GMIP: variants seen among roughly 807,000 people sequenced by gnomAD.
GMIP encodes GEM-interacting protein.
In GMIP, 54 loss-of-function variants were observed where a neutral mutation model predicts 105.3. That is an observed-to-expected ratio of 0.51 (90% confidence interval 0.41 to 0.64). The LOEUF is 0.64. GMIP is among the 30% of genes least tolerant of loss of function. The probability of loss-of-function intolerance (pLI) is 0.00; values close to 1 mark genes in which losing one functional copy is unlikely to be tolerated. For synonymous variants in GMIP, 541 were observed against 560.8 expected, an observed-to-expected ratio of 0.96 and a Z score of 0.50; for missense variants, 1,110 against 1,319.4, an observed-to-expected ratio of 0.84 and a Z score of 2.46.
At position 19,641,851 on chromosome 19, in the gene GMIP, C is replaced by T. The variant is rs2061923407; in HGVS notation, c.197G>A (p.Cys66Tyr). The T allele has an allele frequency of 3.7e-6, 6 of 1,613,142 alleles. No individual in the cohort carries two copies. The highest frequency in any genetic ancestry group is 3.3e-5 in the Admixed American group (2 of 59,970). Residue 66 changes from cysteine to tyrosine, a missense_variant, in exon 4 of 21, where the codon TGT (cysteine) becomes TAT (tyrosine). Physicochemically the swap from Cys to Tyr is radical, Grantham distance 194 (BLOSUM62 -2). This residue lies in a region of GMIP where 667 missense variants were observed against 773.2 expected (regional missense o/e 0.86). Transcript: ENST00000203556. ...PTATVTNEAS[C>Y]WSGPSPEGPV... ...ACCCTCTGGGGAGGGGCCGCTCCAA[C>T]AGCTGGCTTCGTTGGTCTGTGCGGG...
rs763201996 is a variant in GMIP at position 19,640,171 on chromosome 19, T to G, written c.451A>C (p.Ile151Leu). The G allele has an allele frequency of 6.2e-7, 1 of 1,612,280 alleles. No homozygotes were observed. Among genetic ancestry groups the G allele is most frequent in the Non-Finnish European group, 8.5e-7 (1 of 1,179,032 alleles). The change falls in exon 7 of 21, where the codon ATC becomes CTC. Residue 151 changes from isoleucine to leucine, a missense_variant. By Grantham distance (5) the Ile-to-Leu change is conservative. This residue lies in a region of GMIP where 667 missense variants were observed against 773.2 expected (regional missense o/e 0.86). Transcript: ENST00000203556. ...TCGTGCTCCAGAAACAGGGTGTAGATGTACTGCAGAGGCATGTGGCTCTGG... is the reference window on the plus strand; with the variant it reads ...TCGTGCTCCAGAAACAGGGTGTAGAGGTACTGCAGAGGCATGTGGCTCTGG... ...QQQSHMPLQYIYTLFLEHDLS... is the reference protein window; with the variant it reads ...QQQSHMPLQYLYTLFLEHDLS...
chr19:19,640,535 C>G lies in GMIP; in HGVS notation c.275G>C (p.Gly92Ala), dbSNP rs141644834. The change falls in exon 5 of 21, where the codon GGG (glycine) becomes GCG (alanine). Residue 92 changes from glycine to alanine, a missense_variant. Around this residue, in one of 3 missense-constraint regions of GMIP, gnomAD observed 667 missense variants for 773.2 expected, o/e 0.86. Coordinates refer to ENST00000203556, the MANE Select transcript of GMIP (RefSeq NM_016573.4). ...ATATTCCAGGGCTGCGTCCACACCCCCCTTTGTCCGAATGAGCCGCAAGTC... is the reference window on the plus strand; with the variant it reads ...ATATTCCAGGGCTGCGTCCACACCCGCCTTTGTCCGAATGAGCCGCAAGTC... The part of the protein sequence containing the change: ...ELDLRLIRTK[G>A]GVDAALEYAK... 16 of 1,613,858 alleles carry G rather than the reference C, an allele frequency of 9.9e-6. No homozygotes were observed. The South Asian group carries it at 1.5e-4, about 16-fold the overall frequency.
At position 19,630,150 on chromosome 19, in the gene GMIP, C is replaced by T. The variant is rs201307068; in HGVS notation, c.2726G>A (p.Arg909Gln). The T allele has an allele frequency of 2.2e-4, 345 of 1,604,148 alleles. No individual in the cohort carries two copies. The highest frequency in any genetic ancestry group is 2.3e-4 in the Non-Finnish European group (271 of 1,173,994). ...AGCTGCAGGGCTGGGCCCCCGCCCC[C>T]GCAAACTCCCTCTGGGCACTGATGT... The part of the protein sequence containing the change: ...PITSVPRGSL[R>Q]GRGPSPAAAS... Residue 909 changes from arginine to glutamine, a missense_variant, in exon 21 of 21, where the codon CGG becomes CAG. By Grantham distance (43) the Arg-to-Gln change is conservative. Coordinates refer to ENST00000203556, the MANE Select transcript of GMIP (RefSeq NM_016573.4). This position sits in a 1 kb window ranked among gnomAD's most constrained non-coding sequence, Gnocchi z 4.8.
At position 19,636,728 on chromosome 19, in the gene GMIP, C is replaced by A; in HGVS notation, c.1306G>T (p.Asp436Tyr). The stretch of plus-strand genomic sequence containing the variant: ...CTACCTGGGCTGGAAGTGGGTGAGT[C>A]CAGGGACCGAGACTCGCTGCCGCCA... ...VGGGSESRSL[D>Y]SPTSSPGAGT... Residue 436 changes from aspartate (D) to tyrosine (Y), a missense_variant, in exon 13 of 21, where the codon GAC (aspartate) becomes TAC (tyrosine). Transcript: ENST00000203556. 1 of 1,613,456 alleles carries A rather than the reference C, an allele frequency of 6.2e-7. No homozygotes were observed.
chr19:19,635,566 A>G lies in GMIP; in HGVS notation c.1409T>C (p.Leu470Pro). Residue 470 changes from leucine to proline, a missense_variant, in exon 15 of 21, where the codon CTG becomes CCG. This residue lies in a region of GMIP where 667 missense variants were observed against 773.2 expected (regional missense o/e 0.86). Coordinates refer to ENST00000203556, the MANE Select transcript of GMIP (RefSeq NM_016573.4). The surrounding 1 kb of genome is among the most constrained non-coding windows in gnomAD (Gnocchi z 4.7). ...SDDFEERDPD[L>P]GDGLENGLGS... ...CAGCCCATTCTCCAGCCCGTCTCCC[A>G]GGTCTGCAGGGAGACAGGGTCAGGA... The G allele has an allele frequency of 6.2e-7, 1 of 1,613,786 alleles. No homozygotes were observed. Among genetic ancestry groups the G allele is most frequent in the Non-Finnish European group, 8.5e-7 (1 of 1,179,768 alleles).
rs2061786665 is a variant in GMIP at position 19,630,702 on chromosome 19, A to T, written c.2473-165T>A. On this transcript the variant is annotated intron_variant, in intron 19 of 20. Transcript: ENST00000203556. The surrounding 1 kb of genome is among the most constrained non-coding windows in gnomAD (Gnocchi z 4.8). Reference sequence around the variant, plus strand: ...TGTTAGGACGCAGCCCCACCCTGTAATGAATGAGGGAAAGGTGGTAGGAAG... The same window carrying T: ...TGTTAGGACGCAGCCCCACCCTGTATTGAATGAGGGAAAGGTGGTAGGAAG... 6.6e-6 allele frequency among the ~76,000 whole-genome samples: 1 copy of T among 152,168 alleles called. No individual in the cohort carries two copies.
At position 19,637,242 on chromosome 19, in the gene GMIP, C is replaced by G; in HGVS notation, c.1124+123G>C. ...TTCACCCTCCTATGGCCCCCGAGAG[C>G]CTGGAGTACTAAATTCCACTAAGGC... On this transcript the variant is annotated intron_variant, in intron 11 of 20. Coordinates refer to ENST00000203556, the MANE Select transcript of GMIP (RefSeq NM_016573.4). This position sits in a 1 kb window ranked among gnomAD's most constrained non-coding sequence, Gnocchi z 6.7. 1 of 740,584 alleles carries G rather than the reference C, an allele frequency of 1.4e-6. No homozygotes were observed. The highest frequency in any genetic ancestry group is 2.2e-6 in the Non-Finnish European group (1 of 452,652). The allele number at this position is 740,584 out of a possible 1,614,324, so 45.9% of individuals were successfully genotyped here. A position where few individuals can be genotyped will look rare whatever the true frequency, so the allele number is the denominator to read the frequency against.
Position 19,630,303 on chromosome 19 carries a change from C to A in GMIP, c.2573G>T (p.Gly858Val). Residue 858 changes from glycine to valine, a missense_variant, in exon 21 of 21, where the codon GGG (glycine) becomes GTG (valine). Transcript: ENST00000203556. This position sits in a 1 kb window ranked among gnomAD's most constrained non-coding sequence, Gnocchi z 4.8. ...SSQGPEDSLL[G>V]TQSRGHFSRQ... is the part of the protein sequence containing the mutation. ...GCTGAAGTGGCCACGAGACTGTGTC[C>A]CCAGGAGTGAGTCCTCTGGGCCTTG... is the stretch of plus-strand genomic sequence containing the variant. 6.5e-7 allele frequency: 1 copy of A among 1,544,846 alleles called. No individual in the cohort carries two copies. The highest frequency in any genetic ancestry group is 1.4e-5 in the African/African-American group (1 of 73,132).
chr19:19,632,012 C>T lies in GMIP; in HGVS notation c.2473-1475G>A, dbSNP rs531493313. On this transcript the variant is annotated intron_variant, in intron 19 of 20. Transcript: ENST00000203556. ...CAAAAAAAAAAAAAAGATTCTAGGCCGGGTGCAGTGGCTCATGCCTGTAAT... is the reference window on the plus strand; with the variant it reads ...CAAAAAAAAAAAAAAGATTCTAGGCTGGGTGCAGTGGCTCATGCCTGTAAT... 9.2e-5 allele frequency among the ~76,000 whole-genome samples: 14 copies of T among 151,524 alleles called. No homozygotes were observed. The South Asian group carries it at 2.3e-3, about 25-fold the overall frequency.
rs144377822 is a variant in GMIP, at chr19:19,641,076, T to C, written c.239-505A>G. On this transcript the variant is annotated intron_variant, in intron 4 of 20. Transcript: ENST00000203556. ...GCCACCGTGCCCGGCCTGTGTTTGA[T>C]GGGTTTTTTTATTTTTATTTTTGAG... Among the ~76,000 whole-genome samples the C allele has an allele frequency of 3.8e-4, 57 of 151,104 alleles. No homozygotes were observed. In the East Asian group the frequency reaches 0.01, roughly 28 times the overall value.
intron 7 of GMIP, 81 bp from the exon 8 acceptor site, chr19:19,638,563 GC>G (rs1034457105): frequency 5.6e-5 from 66 of 1,186,026 alleles, no homozygotes; most frequent in Non-Finnish European, 5.2e-5. Context: ...CCATTCCTGC[GC>G]CATGTGCTTT....
At chr19:19,642,991 AAC>A (rs2061939357) in intron 1 of GMIP, 1 of 211,772 alleles carries the variant, frequency 4.7e-6, no homozygotes. Context: ...CTGGGGCAGA[AAC>A]ACACATGGAG....
Position 19,630,243 on chromosome 19 carries a change from C to T in GMIP, c.2633G>A (p.Arg878Lys). ...ACTGGACAGCTGGTGGGTTACAGGC[C>T]TCACACCGCCCCGGGGATACTTCAC... ...QPVKYPRGGV[R>K]PVTHQLSSLA... The change falls in exon 21 of 21, where the codon AGG becomes AAG. Residue 878 changes from arginine (R) to lysine (K), a missense_variant. This residue lies in a region of GMIP where 394 missense variants were observed against 450.5 expected (regional missense o/e 0.87). Coordinates refer to ENST00000203556, the MANE Select transcript of GMIP (RefSeq NM_016573.4). This position sits in a 1 kb window ranked among gnomAD's most constrained non-coding sequence, Gnocchi z 4.8. 1 of 1,581,246 alleles carries T rather than the reference C, an allele frequency of 6.3e-7. No individual in the cohort carries two copies. Among genetic ancestry groups the T allele is most frequent in the Non-Finnish European group, 8.6e-7 (1 of 1,160,416 alleles).
Position 19,635,226 on chromosome 19 carries a change from T to A in GMIP, c.1561-13A>T. On this transcript the variant is annotated splice_polypyrimidine_tract_variant and intron_variant, in intron 15 of 20. Coordinates refer to ENST00000203556, the MANE Select transcript of GMIP (RefSeq NM_016573.4). The surrounding 1 kb of genome is among the most constrained non-coding windows in gnomAD (Gnocchi z 4.7). ...AGGTCAGAAAGCACTGTGGGGAAGG[T>A]CACAGGGACAGGGAGGTCATTAGGG... The A allele has an allele frequency of 6.2e-7, 1 of 1,605,258 alleles. No homozygotes were observed. The highest frequency in any genetic ancestry group is 8.5e-7 in the Non-Finnish European group (1 of 1,175,230).
In GMIP at chr19:19,634,532, G is replaced by A. The variant is rs368641677; in HGVS notation, c.2059C>T (p.Arg687Trp). ...QLPDSNYNTLRHLVAHLFRVA... is the reference protein window; with the variant it reads ...QLPDSNYNTLWHLVAHLFRVA... ...CTGAACAGATGGGCCACCAGGTGCC[G>A]CAGGGTGTTGTAGTTAGAGTCAGGC... The change falls in exon 18 of 21, where the codon CGG becomes TGG. Residue 687 changes from arginine (R) to tryptophan (W), a missense_variant. Arg to Trp is a moderately radical substitution (Grantham distance 101). Around this residue, in one of 3 missense-constraint regions of GMIP, gnomAD observed 394 missense variants for 450.5 expected, o/e 0.87. Transcript: ENST00000203556. This position sits in a 1 kb window ranked among gnomAD's most constrained non-coding sequence, Gnocchi z 6.1. 6.8e-6 allele frequency: 11 copies of A among 1,611,876 alleles called. No homozygotes were observed. The highest frequency in any genetic ancestry group is 9.3e-6 in the Non-Finnish European group (11 of 1,179,362).
At chr19:19,642,439 A>G (rs554134965) in intron 2 of GMIP, 96 bp downstream of exon 2, 92 of 747,226 alleles carry the variant, frequency 1.2e-4, no homozygotes, top group Middle Eastern at 2.4e-4. Flanking sequence ...GTAGGTCCAG[A>G]TGTTACAGGT....
chr19:19,637,127 G>A lies in GMIP; in HGVS notation c.1125-98C>T. Reference sequence around the variant, plus strand: ...CTAGGTACCAACTCCAAGCACTTGGGTCTGCAAACCCTGACACCCAGGGCA... The same window carrying A: ...CTAGGTACCAACTCCAAGCACTTGGATCTGCAAACCCTGACACCCAGGGCA... On this transcript the variant is annotated intron_variant, in intron 11 of 20. Transcript: ENST00000203556. This position sits in a 1 kb window ranked among gnomAD's most constrained non-coding sequence, Gnocchi z 6.7. 1 of 803,838 alleles carries A rather than the reference G, an allele frequency of 1.2e-6. No individual in the cohort carries two copies. The highest frequency in any genetic ancestry group is 2.0e-6 in the Non-Finnish European group (1 of 492,850). The allele number at this position is 803,838 out of a possible 1,614,324, so 49.8% of individuals were successfully genotyped here.
At chr19:19,638,581 T>A in intron 7 of GMIP, 99 bp from the exon 8 acceptor site, 1 of 951,010 alleles carries the variant, frequency 1.1e-6, no homozygotes, top group Non-Finnish European at 1.6e-6. Context: ...CTTTGCCACC[T>A]CTGGACTCTA....
intron 1 of GMIP, 111 bp downstream of exon 1, chr19:19,643,400 T>G: frequency 9.8e-7 from 1 of 1,024,804 alleles, no homozygotes; most frequent in Non-Finnish European, 1.4e-6. Flanking sequence ...GTCCTTCCCA[T>G]TCAGGAACTC....
Sources: allele counts gnomAD v4.1 joint callset (sites outside exome capture counted in the v4.1 genomes callset), GRCh38; gene constraint gnomAD v4.1.1; regional missense constraint gnomAD v4.1.1; non-coding constraint Gnocchi (gnomAD v3.1); transcripts MANE v1.5; gene names NCBI Gene and HGNC (gene_info 2026-07-23, HGNC 2026-07-21).